Variants in PLCH1 observed in about 807,000 individuals in gnomAD.
PLCH1 encodes 1-phosphatidylinositol 4,5-bisphosphate phosphodiesterase eta-1.
PLCH1 carries 60 observed loss-of-function variants against 126.7 expected under a neutral mutation model. That is an observed-to-expected ratio of 0.47 (90% CI 0.38 to 0.59). The LOEUF is 0.59. Ranked by LOEUF, PLCH1 falls within the 20% of genes least tolerant of loss-of-function variation. The pLI, the probability that PLCH1 is intolerant of heterozygous loss-of-function variation, is 0.00. For synonymous variants in PLCH1, 719 were observed against 734.9 expected (o/e 0.98, Z 0.35); for missense variants, 1,723 against 2,040.0 (o/e 0.84, Z 2.99).
intron 2 of PLCH1, among the ~76,000 whole-genome samples, chr3:155,610,541 G>T (rs539149659): frequency 4.6e-5 from 7 of 152,046 alleles, no homozygotes; most frequent in Non-Finnish European, 7.4e-5. Flanking sequence ...TAAGCTAGTA[G>T]AAACTGGGAC....
At chr3:155,676,347 G>T in intron 2 of PLCH1, 1 of 1,069,694 alleles carries the variant, frequency 9.3e-7, no homozygotes, top group Non-Finnish European at 1.1e-6. Context: ...TGGGAATGCA[G>T]GCGCTGTGGC....
chr3:155,626,738 C>T (rs1205454003), intron 2 of PLCH1, among the ~76,000 whole-genome samples: 5 of 126,314 alleles, frequency 4.0e-5, no homozygotes, highest in African/African-American at 1.5e-4. Context: ...CACTGCACTC[C>T]AGCCTGGGCC....
chr3:155,613,778 A>T (rs1735437442), intron 2 of PLCH1, among the ~76,000 whole-genome samples: 1 of 151,638 alleles, frequency 6.6e-6, no homozygotes, highest in Non-Finnish European at 1.5e-5. Flanking sequence ...TCTGTTCAAC[A>T]TAGTACTACT....
chr3:155,559,075 C>T (rs918313925), intron 8 of PLCH1, among the ~76,000 whole-genome samples: 2 of 152,180 alleles, frequency 1.3e-5, no homozygotes, highest in African/African-American at 2.4e-5. Flanking sequence ...GACATGACAG[C>T]CTCATTCAAT....
intron 21 of PLCH1, among the ~76,000 whole-genome samples, chr3:155,471,189 G>T (rs573499463): frequency 1.2e-4 from 18 of 152,198 alleles, no homozygotes; most frequent in African/African-American, 4.3e-4. Flanking sequence ...CCCATCTCAC[G>T]TGCAGACACA....
intron 7 of PLCH1, among the ~76,000 whole-genome samples, chr3:155,567,835 GT>G (rs11365549): frequency 0.51 from 77,593 of 151,890 alleles, 23,063 homozygotes; most frequent in Non-Finnish European, 0.68. Context: ...AATACAGTCA[GT>G]TGCTACCATT....
intron 11 of PLCH1, among the ~76,000 whole-genome samples, chr3:155,518,168 T>C (rs375369677): frequency 2.6e-5 from 4 of 152,228 alleles, no homozygotes; most frequent in African/African-American, 7.2e-5. Flanking sequence ...AACTTACAAA[T>C]TGTTTATTAT....
chr3:155,579,157 G>A (rs1387946677), intron 6 of PLCH1, among the ~76,000 whole-genome samples: 2 of 152,174 alleles, frequency 1.3e-5, no homozygotes, highest in Non-Finnish European at 2.9e-5. Context: ...AAACTTATTA[G>A]ATAAATTTGT....
intron 10 of PLCH1, among the ~76,000 whole-genome samples, chr3:155,526,514 A>G (rs1210354663): frequency 6.6e-6 from 1 of 151,300 alleles, no homozygotes; most frequent in Admixed American, 6.6e-5. Context: ...ACACACACAC[A>G]CACACACACA....
chr3:155,452,260 T>G (rs2107965144), intron 21 of PLCH1, among the ~76,000 whole-genome samples: 1 of 152,192 alleles, frequency 6.6e-6, no homozygotes, highest in Admixed American at 6.6e-5. Context: ...AAACCATCAA[T>G]CTCGTAAGAC....
intron 10 of PLCH1, among the ~76,000 whole-genome samples, chr3:155,541,616 C>A (rs1002519853): frequency 7.9e-5 from 12 of 152,066 alleles, no homozygotes; most frequent in African/African-American, 2.7e-4. Context: ...AGGGATTATG[C>A]CTCCCAAGAA....
chr3:155,689,337 T>A (rs1218690008), intron 2 of PLCH1, among the ~76,000 whole-genome samples: 1 of 152,090 alleles, frequency 6.6e-6, no homozygotes, highest in African/African-American at 2.4e-5. Flanking sequence ...CCGTGAAGAC[T>A]ACAATAAACA....
chr3:155,564,016 C>A (rs1727978319), intron 8 of PLCH1, among the ~76,000 whole-genome samples: 1 of 152,124 alleles, frequency 6.6e-6, no homozygotes, highest in Non-Finnish European at 1.5e-5. Flanking sequence ...GGCACAATCA[C>A]AGCACACTGC....
At chr3:155,688,974 G>A (rs1315225842) in intron 2 of PLCH1, among the ~76,000 whole-genome samples, 2 of 152,184 alleles carry the variant, frequency 1.3e-5, no homozygotes, top group Non-Finnish European at 2.9e-5. Context: ...GGGGGATCTT[G>A]CCATCCTGAA....
chr3:155,552,672 T>C (rs890729998), intron 9 of PLCH1, among the ~76,000 whole-genome samples: 2 of 152,276 alleles, frequency 1.3e-5, no homozygotes, highest in East Asian at 3.9e-4. Context: ...AAGATGATAG[T>C]GGAAGACAAG....
At chr3:155,598,428 A>G (rs1259842385) in intron 2 of PLCH1, among the ~76,000 whole-genome samples, 1 of 152,198 alleles carries the variant, frequency 6.6e-6, no homozygotes, top group Non-Finnish European at 1.5e-5. Context: ...ATTCCCAGAA[A>G]AGCCTATTAG....
At chr3:155,740,658 C>CATAG (rs1749555737) in intron 1 of PLCH1, among the ~76,000 whole-genome samples, 1 of 152,030 alleles carries the variant, frequency 6.6e-6, no homozygotes, top group South Asian at 2.1e-4. Flanking sequence ...CAAAACTACC[C>CATAG]TGAGCAACAT....
chr3:155,463,201 T>C (rs1009237671), intron 21 of PLCH1, among the ~76,000 whole-genome samples: 2 of 152,182 alleles, frequency 1.3e-5, no homozygotes, highest in Admixed American at 6.5e-5. Flanking sequence ...GTGAAATAGG[T>C]ACTTCAGTCA....
intron 2 of PLCH1, among the ~76,000 whole-genome samples, chr3:155,685,009 G>C (rs358901): frequency 0.031 from 4,645 of 152,258 alleles, 95 homozygotes; most frequent in Non-Finnish European, 0.046. Flanking sequence ...TAAATTCCTT[G>C]AGAGCTAGAA....
Sources: gnomAD v4.1 joint callset for allele counts (sites outside exome capture counted in the v4.1 genomes callset) on GRCh38, gnomAD v4.1.1 for gene constraint, MANE v1.5 for transcripts, NCBI Gene and HGNC (gene_info 2026-07-23, HGNC 2026-07-21) for gene names.